MERTK: variants seen among roughly 807,000 people sequenced by gnomAD.
MERTK encodes tyrosine-protein kinase Mer.
Under a neutral mutation model 99.3 loss-of-function variants are expected in MERTK, and 69 were observed. That is an observed-to-expected ratio of 0.70 (90% CI 0.57 to 0.85). The LOEUF (loss-of-function observed/expected upper bound fraction) is 0.85, where lower values mean the gene tolerates loss of function less well. Among genes scored for constraint, MERTK ranks in the 40% least tolerant of loss-of-function variants. The pLI is 0.00. For synonymous variants in MERTK, 426 were observed against 467.6 expected (o/e 0.91, Z 1.15); for missense variants, 1,125 against 1,249.4 (o/e 0.90, Z 1.50).
chr2:112,022,373 C>G lies in MERTK; in HGVS notation c.2465C>G (p.Pro822Arg). ...YLLHGHRLKQ[P>R]EDCLDELYEI... ...CTCCATGGCCACAGGTTGAAGCAGC[C>G]CGAAGACTGCCTGGATGAACTGTGA... Residue 822 changes from proline (P) to arginine (R), a missense_variant, in exon 18 of 19, where the codon CCC (proline) becomes CGC (arginine). By Grantham distance (103) the Pro-to-Arg change is moderately radical. Transcript: ENST00000295408. 1 of 1,614,202 alleles carries G rather than the reference C, an allele frequency of 6.2e-7. No homozygotes were observed. Among genetic ancestry groups the G allele is most frequent in the Non-Finnish European group, 8.5e-7 (1 of 1,180,048 alleles).
chr2:112,028,318 C>T (rs1677511613), intron 18 of MERTK, 33 bp from the exon 19 acceptor site: 5 of 1,606,700 alleles, frequency 3.1e-6, no homozygotes, highest in Non-Finnish European at 4.3e-6. Flanking sequence ...GGGTGCCATG[C>T]TGGGAGACAA....
At chr2:111,920,049 T>C (rs908518) in intron 1 of MERTK, among the ~76,000 whole-genome samples, 56,177 of 151,988 alleles carry the variant, frequency 0.37, 10,797 homozygotes, top group East Asian at 0.75. Context: ...ATGAAATCCC[T>C]AGTGCTGTGG....
intron 14 of MERTK, among the ~76,000 whole-genome samples, chr2:112,009,124 G>C (rs1677044261): frequency 6.6e-6 from 1 of 152,176 alleles, no homozygotes; most frequent in Admixed American, 6.5e-5. Flanking sequence ...TTTTGTTTTT[G>C]CTTTGCCATC....
chr2:112,006,190 G>A (rs1676976553), intron 13 of MERTK, among the ~76,000 whole-genome samples: 1 of 152,078 alleles, frequency 6.6e-6, no homozygotes, highest in Non-Finnish European at 1.5e-5. Context: ...CCTGGAGGCT[G>A]AAGCTTAATT....
At chr2:111,905,197 G>A (rs1024619375) in intron 1 of MERTK, among the ~76,000 whole-genome samples, 5 of 152,046 alleles carry the variant, frequency 3.3e-5, no homozygotes, top group Admixed American at 1.3e-4. Context: ...GGAAGGGAGG[G>A]CCTAGATCTT....
intron 1 of MERTK, among the ~76,000 whole-genome samples, chr2:111,911,373 C>T (rs1210953180): frequency 1.7e-4 from 26 of 151,128 alleles, no homozygotes; most frequent in Admixed American, 2.6e-4. Flanking sequence ...ATCCAATCTC[C>T]TCCTTTTGTT....
At chr2:111,973,973 T>A (rs1205573436) in intron 6 of MERTK, among the ~76,000 whole-genome samples, 1 of 144,200 alleles carries the variant, frequency 6.9e-6, no homozygotes, top group Non-Finnish European at 1.5e-5. Flanking sequence ...CAAATGACCC[T>A]TTGCTATATC....
intron 2 of MERTK, among the ~76,000 whole-genome samples, chr2:111,930,778 T>A (rs1684656206): frequency 6.6e-6 from 1 of 152,222 alleles, no homozygotes; most frequent in African/African-American, 2.4e-5. Context: ...AGCTGTCATG[T>A]CTCAGAATGC....
chr2:112,004,523 A>G (rs1046150528), intron 13 of MERTK, among the ~76,000 whole-genome samples: 1 of 152,216 alleles, frequency 6.6e-6, no homozygotes. Context: ...AGAACTTCCA[A>G]GCAAGCTGGG....
At chr2:111,942,719 AG>A (rs1228994500) in intron 2 of MERTK, among the ~76,000 whole-genome samples, 1 of 152,190 alleles carries the variant, frequency 6.6e-6, no homozygotes, top group Non-Finnish European at 1.5e-5. Flanking sequence ...ACGAGGGGAA[AG>A]GGGAAGACAG....
At chr2:111,899,460 A>G (rs1206428569) in intron 1 of MERTK, among the ~76,000 whole-genome samples, 1 of 151,966 alleles carries the variant, frequency 6.6e-6, no homozygotes, top group East Asian at 1.9e-4. Context: ...GCAGAACAGA[A>G]CTTACAGTGC....
At chr2:111,932,171 T>G (rs1684684291) in intron 2 of MERTK, among the ~76,000 whole-genome samples, 3 of 152,190 alleles carry the variant, frequency 2.0e-5, no homozygotes. Flanking sequence ...GCGATCAGAA[T>G]TTTTGCAAAT....
intron 1 of MERTK, among the ~76,000 whole-genome samples, chr2:111,902,513 T>C (rs1161542608): frequency 1.3e-5 from 2 of 152,196 alleles, no homozygotes; most frequent in Admixed American, 6.5e-5. Context: ...CACTTCCCTC[T>C]TGTTCCTACC....
intron 4 of MERTK, among the ~76,000 whole-genome samples, chr2:111,963,668 C>T (rs542767726): frequency 2.0e-5 from 3 of 152,236 alleles, no homozygotes; most frequent in Admixed American, 6.5e-5. Flanking sequence ...TCAGGGAGCA[C>T]GGGGTTGGGG....
rs186512715 is a variant in MERTK at position 112,006,751 on chromosome 2, T to C, written c.1868-1632T>C. Among the ~76,000 whole-genome samples, 828 of 152,320 alleles carry C rather than the reference T, an allele frequency of 5.4e-3. 2 individuals are homozygous for C. The highest frequency in any genetic ancestry group is 8.9e-3 in the Non-Finnish European group (603 of 68,026). ...TGCAGGTTGGACCCCTGGGGAATAG[T>C]CTGCAGGCAGAGCCCTACCCCTGTA... On this transcript the variant is annotated intron_variant, in intron 13 of 18. Transcript: ENST00000295408.
chr2:111,903,252 T>C (rs1684078871), intron 1 of MERTK, among the ~76,000 whole-genome samples: 1 of 152,188 alleles, frequency 6.6e-6, no homozygotes. Context: ...TACCAGGTGC[T>C]CTTCACCCTT....
At chr2:112,014,944 A>G (rs1677187963) in intron 15 of MERTK, among the ~76,000 whole-genome samples, 1 of 152,188 alleles carries the variant, frequency 6.6e-6, no homozygotes, top group Non-Finnish European at 1.5e-5. Context: ...CGGCCATTTT[A>G]TAACCTTTTG....
chr2:111,961,031 T>C (rs1387066344), intron 4 of MERTK, among the ~76,000 whole-genome samples: 1 of 151,904 alleles, frequency 6.6e-6, no homozygotes, highest in Non-Finnish European at 1.5e-5. Flanking sequence ...GTGCAATAAA[T>C]ATTTTCTAAT....
chr2:111,994,256 G>A lies in MERTK; in HGVS notation c.1302G>A (p.Glu434=), dbSNP rs762185826. Residue 434 remains glutamate (E), a synonymous_variant, in exon 9 of 19, where the codon GAG becomes GAA. Coordinates refer to ENST00000295408, the MANE Select transcript of MERTK (RefSeq NM_006343.3). ...CTCTTCCTCTCTGTCTCCAGAAAGA[G>A]CTCTTGGAGGAAGTTGGCCAGAATG... ...HVWQSAGISK[E]LLEEVGQNGS... 1.9e-6 allele frequency: 3 copies of A among 1,613,974 alleles called. No individual in the cohort carries two copies. The South Asian group carries it at 3.3e-5, about 18-fold the overall frequency.
Sources: gnomAD v4.1 joint callset for allele counts (sites outside exome capture counted in the v4.1 genomes callset) on GRCh38, gnomAD v4.1.1 for gene constraint, MANE v1.5 for transcripts, NCBI Gene and HGNC (gene_info 2026-07-23, HGNC 2026-07-21) for gene names.